Variants in SPAG9 observed in about 807,000 individuals in gnomAD.
The protein encoded by SPAG9 is C-Jun-amino-terminal kinase-interacting protein 4.
SPAG9 carries 35 observed loss-of-function variants against 166.5 expected under a neutral mutation model. That is an observed-to-expected ratio of 0.21 (90% CI 0.16 to 0.28). The LOEUF (loss-of-function observed/expected upper bound fraction) is 0.28, where lower values mean the gene tolerates loss of function less well. Ranked by LOEUF, SPAG9 falls within the 10% of genes least tolerant of loss-of-function variation. The pLI, the probability that SPAG9 is intolerant of heterozygous loss-of-function variation, is 1.00. For missense variants in SPAG9, 1,235 were observed against 1,603.3 expected (o/e 0.77, Z 3.92); for synonymous variants, 534 against 565.5 (o/e 0.94, Z 0.79).
intron 1 of SPAG9, among the ~76,000 whole-genome samples, chr17:51,081,467 G>A (rs1044451555): frequency 6.6e-6 from 1 of 151,742 alleles, no homozygotes; most frequent in African/African-American, 2.4e-5. Context: ...AAGCAGGCCA[G>A]GAGCAGTGAC....
chr17:51,070,225 T>C (rs1016806384), intron 2 of SPAG9, among the ~76,000 whole-genome samples: 2 of 152,220 alleles, frequency 1.3e-5, no homozygotes, highest in African/African-American at 2.4e-5. Flanking sequence ...GAATAAGTTG[T>C]AAATCCAAGG....
intron 1 of SPAG9, among the ~76,000 whole-genome samples, chr17:51,095,959 A>ATATATATAGTGATATAGT (rs1491533001): frequency 3.9e-5 from 3 of 76,058 alleles, no homozygotes; most frequent in African/African-American, 2.8e-4. Flanking sequence ...ATATATAGTG[A>ATATATATAGTGATATAGT]TATATATATA....
At chr17:50,991,555 T>C (rs1975550840) in intron 19 of SPAG9, among the ~76,000 whole-genome samples, 1 of 152,028 alleles carries the variant, frequency 6.6e-6, no homozygotes, top group Admixed American at 6.6e-5. Flanking sequence ...CATTTAAAAG[T>C]GTACAATTCA....
At chr17:51,108,068 G>A (rs2049003813) in intron 1 of SPAG9, among the ~76,000 whole-genome samples, 1 of 148,252 alleles carries the variant, frequency 6.7e-6, no homozygotes, top group Non-Finnish European at 1.5e-5. Context: ...AGATATCCTG[G>A]AAATACATGA....
At chr17:51,115,757 G>T (rs2049269826) in intron 1 of SPAG9, among the ~76,000 whole-genome samples, 1 of 151,950 alleles carries the variant, frequency 6.6e-6, no homozygotes. Flanking sequence ...TTGAACCCAG[G>T]AGGCGAAGGT....
chr17:51,081,025 T>C (rs1481438901), intron 1 of SPAG9, among the ~76,000 whole-genome samples: 1 of 152,156 alleles, frequency 6.6e-6, no homozygotes, highest in Non-Finnish European at 1.5e-5. Context: ...GAGTCAGCTT[T>C]GACTCTTCTG....
chr17:51,062,537 T>C (rs929888502), intron 2 of SPAG9, among the ~76,000 whole-genome samples: 1 of 152,204 alleles, frequency 6.6e-6, no homozygotes, highest in Non-Finnish European at 1.5e-5. Context: ...GTACCTAGCC[T>C]TTTCAGATTG....
chr17:51,014,991 C>T (rs2045638814), intron 8 of SPAG9, among the ~76,000 whole-genome samples: 1 of 151,708 alleles, frequency 6.6e-6, no homozygotes, highest in Non-Finnish European at 1.5e-5. Flanking sequence ...TAGACCATTT[C>T]CAGCTAAATA....
chr17:51,069,957 A>G (rs1439562456), intron 2 of SPAG9, among the ~76,000 whole-genome samples: 1 of 152,160 alleles, frequency 6.6e-6, no homozygotes, highest in Non-Finnish European at 1.5e-5. Context: ...GAGTCTAAAT[A>G]TAACAGCTTA....
At chr17:50,992,030 C>T (rs2143840402) in intron 19 of SPAG9, among the ~76,000 whole-genome samples, 1 of 150,134 alleles carries the variant, frequency 6.7e-6, no homozygotes, top group Admixed American at 6.7e-5. Flanking sequence ...CTTGACCTCC[C>T]CGACTCAAGT....
At chr17:51,096,026 TATATATATAGTG>T (rs1362362142) in intron 1 of SPAG9, among the ~76,000 whole-genome samples, 68 of 136,790 alleles carry the variant, frequency 5.0e-4, no homozygotes, top group African/African-American at 1.9e-3. Context: ...TATAGTGATA[TATATATATAGTG>T]ATATATATAT....
intron 12 of SPAG9, 97 bp downstream of exon 12, chr17:51,005,115 T>TA: frequency 9.9e-7 from 1 of 1,009,772 alleles, no homozygotes; most frequent in Non-Finnish European, 1.5e-6. Flanking sequence ...CTTTTAAAAA[T>TA]CTTTATAGTA....
intron 1 of SPAG9, among the ~76,000 whole-genome samples, chr17:51,082,762 T>C (rs1364433599): frequency 6.6e-6 from 1 of 152,244 alleles, no homozygotes; most frequent in Non-Finnish European, 1.5e-5. Context: ...CTATTACCTA[T>C]ATTAACTGTC....
At chr17:51,079,090 G>A (rs1271877788) in intron 2 of SPAG9, among the ~76,000 whole-genome samples, 2 of 152,098 alleles carry the variant, frequency 1.3e-5, no homozygotes, top group African/African-American at 4.8e-5. Context: ...GCACACATGG[G>A]TACCATGTGA....
chr17:51,097,560 CAT>C (rs916353446), intron 1 of SPAG9, among the ~76,000 whole-genome samples: 26 of 151,888 alleles, frequency 1.7e-4, no homozygotes, highest in African/African-American at 6.0e-4. Flanking sequence ...CACACACACA[CAT>C]ATACATATAT....
intron 1 of SPAG9, among the ~76,000 whole-genome samples, chr17:51,089,659 T>TATATAC (rs1555658080): frequency 1.9e-5 from 2 of 103,118 alleles, no homozygotes; most frequent in South Asian, 2.9e-4. Context: ...TATATATATA[T>TATATAC]ATATACACAT....
At chr17:51,113,353 CAAAAAAAAA>C (rs34917845) in intron 1 of SPAG9, among the ~76,000 whole-genome samples, 2 of 95,888 alleles carry the variant, frequency 2.1e-5, no homozygotes, top group African/African-American at 7.8e-5. Context: ...AATGCCATAT[CAAAAAAAAA>C]AAAAAAAAAG....
rs752452435 is a variant in SPAG9, at chr17:50,990,563, G to A, written c.2504C>T (p.Thr835Ile). 12 of 1,614,060 alleles carry A rather than the reference G, an allele frequency of 7.4e-6. No homozygotes were observed. Among genetic ancestry groups the A allele is most frequent in the Admixed American group, 1.7e-5 (1 of 60,002 alleles). ...TGTGATGCCTCCTAACAGGCTGTCTGTCTCTGCTGAGCTGTTGCTTGTCAT... is the reference window on the plus strand; with the variant it reads ...TGTGATGCCTCCTAACAGGCTGTCTATCTCTGCTGAGCTGTTGCTTGTCAT... ...GSMTSNSSAE[T>I]DSLLGGITVV... The change falls in exon 20 of 30, where the codon ACA (threonine) becomes ATA (isoleucine). Residue 835 changes from threonine (T) to isoleucine (I), a missense_variant. Physicochemically the swap from Thr to Ile is moderately conservative, Grantham distance 89. Coordinates refer to ENST00000262013, the MANE Select transcript of SPAG9 (RefSeq NM_001130528.3).
At chr17:50,990,410 T>C in intron 20 of SPAG9, 40 bp downstream of exon 20, 7 of 1,418,752 alleles carry the variant, frequency 4.9e-6, no homozygotes, top group African/African-American at 1.4e-5. Context: ...AGTGTAGCCT[T>C]AGACTCTATA....
Sources: allele counts gnomAD v4.1 joint callset (sites outside exome capture counted in the v4.1 genomes callset), GRCh38; gene constraint gnomAD v4.1.1; transcripts MANE v1.5; gene names NCBI Gene and HGNC (gene_info 2026-07-23, HGNC 2026-07-21).